Variants in MYO1H observed in about 807,000 individuals in gnomAD.
MYO1H encodes the protein myosin IH, also known as unconventional myosin-Ih.
A neutral mutation model predicts 149.3 loss-of-function variants in MYO1H; 118 were observed. The observed-to-expected ratio is 0.79, with a 90% CI of 0.68 to 0.92. MYO1H has a LOEUF of 0.92. MYO1H is among the 40% of genes least tolerant of loss of function. The pLI, the probability that MYO1H is intolerant of heterozygous loss-of-function variation, is 0.00. For synonymous variants in MYO1H, 447 were observed against 465.2 expected, an observed-to-expected ratio of 0.96 and a Z score of 0.50; for missense variants, 1,212 against 1,280.7, an observed-to-expected ratio of 0.95 and a Z score of 0.82.
chr12:109,346,488 C>T (rs891289008), upstream of MYO1H, among the ~76,000 whole-genome samples: 5 of 152,204 alleles, frequency 3.3e-5, no homozygotes, highest in African/African-American at 4.8e-5. Context: ...AGGCCAGGCG[C>T]GATGGCCCAC....
At chr12:109,386,118 A>T (rs577030710) in intron 1 of MYO1H, among the ~76,000 whole-genome samples, 1 of 151,668 alleles carries the variant, frequency 6.6e-6, no homozygotes, top group East Asian at 1.9e-4. Context: ...CTACAGTACG[A>T]CTCTTTTGTG....
At chr12:109,313,402 T>C in the MYO1H span, among the ~76,000 whole-genome samples, 1 of 152,170 alleles carries the variant, frequency 6.6e-6, no homozygotes, top group Non-Finnish European at 1.5e-5. Context: ...CAACAACAAC[T>C]TCAGAAGATG....
intron 22 of MYO1H, 87 bp downstream of exon 22, chr12:109,436,643 C>T (rs2135595429): frequency 1.1e-6 from 1 of 879,020 alleles, no homozygotes; most frequent in East Asian, 2.7e-5. Flanking sequence ...TCTCCCCCTG[C>T]TCATCCTTAA....
intron 1 of MYO1H, among the ~76,000 whole-genome samples, chr12:109,369,366 T>C (rs1365062637): frequency 3.3e-5 from 5 of 152,222 alleles, no homozygotes; most frequent in South Asian, 2.1e-4. Flanking sequence ...CTGCATCTTA[T>C]GTGATTTTGT....
At chr12:109,409,197 CCTT>C (rs1043327695) in intron 10 of MYO1H, among the ~76,000 whole-genome samples, 11 of 147,194 alleles carry the variant, frequency 7.5e-5, no homozygotes, top group African/African-American at 2.8e-4. Flanking sequence ...TTCTCCATCT[CCTT>C]CTCCTTCTTC....
At chr12:109,400,459 G>A (rs1472488524) in intron 5 of MYO1H, among the ~76,000 whole-genome samples, 1 of 151,992 alleles carries the variant, frequency 6.6e-6, no homozygotes, top group Non-Finnish European at 1.5e-5. Context: ...TTTGCTTCTT[G>A]GCCACTTAAA....
Position 109,436,546 on chromosome 12 carries a change from A to G in MYO1H, c.2199A>G (p.Lys733=), listed in dbSNP as rs112386649. 2.3e-5 allele frequency: 37 copies of G among 1,608,042 alleles called. 1 individual carries two copies. In the African/African-American group the frequency reaches 3.5e-4, roughly 15 times the overall value. ...TAGGAAGGAGAGAATACGTGAAAAAAAGACAAGCAGGTAAGAATTAAATAG... is the reference window on the plus strand; with the variant it reads ...TAGGAAGGAGAGAATACGTGAAAAAGAGACAAGCAGGTAAGAATTAAATAG... The change falls in exon 22 of 32, where the codon AAA becomes AAG. Residue 733 remains lysine, a synonymous_variant. Coordinates refer to ENST00000310903, the Ensembl canonical transcript of MYO1H.
Position 109,397,821 on chromosome 12 carries a change from A to G in MYO1H, c.570+9A>G, listed in dbSNP as rs753419455. The G allele has an allele frequency of 6.2e-7, 1 of 1,602,944 alleles. No individual in the cohort carries two copies. The highest frequency in any genetic ancestry group is 1.1e-5 in the South Asian group (1 of 89,438). ...TACAATTTGATTTTCAGGTACACTG[A>G]AGCTCCTATTACTGGTTCATGGGGA... On this transcript the variant is annotated intron_variant, in intron 5 of 31. Transcript: ENST00000310903.
chr12:109,423,540 CTT>C (rs1241827702), intron 16 of MYO1H, among the ~76,000 whole-genome samples: 5 of 152,224 alleles, frequency 3.3e-5, no homozygotes, highest in Admixed American at 6.5e-5. Context: ...CTCCTGAACT[CTT>C]TTCATCTTGC....
intron 16 of MYO1H, among the ~76,000 whole-genome samples, chr12:109,421,969 C>A (rs1871193362): frequency 6.6e-6 from 1 of 151,992 alleles, no homozygotes; most frequent in Admixed American, 6.6e-5. Context: ...ACTTCAGACA[C>A]ACACCACCAC....
exon 30 of MYO1H, chr12:109,444,521 T>C: frequency 6.2e-7 from 1 of 1,613,060 alleles, no homozygotes; most frequent in Non-Finnish European, 8.5e-7. Flanking sequence ...TCAATGTTGT[T>C]CAAGGAAGGT....
At chr12:109,335,675 A>G in the MYO1H span, among the ~76,000 whole-genome samples, 1 of 152,276 alleles carries the variant, frequency 6.6e-6, no homozygotes, top group Admixed American at 6.5e-5. Flanking sequence ...GGGATGATTG[A>G]CATTTTTTAT....
intron 24 of MYO1H, 133 bp downstream of exon 24, chr12:109,439,923 G>T: frequency 1.3e-6 from 1 of 781,100 alleles, no homozygotes. Flanking sequence ...TCCCAAGGAT[G>T]CTGCACAAGA....
intron 18 of MYO1H, among the ~76,000 whole-genome samples, chr12:109,427,091 G>A (rs1369238757): frequency 1.3e-5 from 2 of 152,098 alleles, no homozygotes; most frequent in Non-Finnish European, 2.9e-5. Context: ...CGAGGCGGGT[G>A]GATCACCTAA....
At chr12:109,345,938 T>C (rs2048101378), upstream of MYO1H, among the ~76,000 whole-genome samples, 1 of 152,300 alleles carries the variant, frequency 6.6e-6, no homozygotes, top group Middle Eastern at 3.4e-3. Flanking sequence ...TTCAAGGTGC[T>C]AGGGTGGGGA....
upstream of MYO1H, among the ~76,000 whole-genome samples, chr12:109,343,122 T>C (rs2048092054): frequency 6.6e-6 from 1 of 152,132 alleles, no homozygotes; most frequent in Non-Finnish European, 1.5e-5. Context: ...TTAGCTATCA[T>C]GATTTATTTC....
intron 6 of MYO1H, 110 bp from the exon 7 acceptor site, chr12:109,403,872 G>A (rs958264447): frequency 1.4e-5 from 9 of 624,690 alleles, no homozygotes; most frequent in South Asian, 9.6e-5. Flanking sequence ...TTTTTGATTC[G>A]CAATTCAGTA....
chr12:109,375,156 A>ATTT (rs71079553), intron 1 of MYO1H, among the ~76,000 whole-genome samples: 48 of 124,276 alleles, frequency 3.9e-4, no homozygotes, highest in Middle Eastern at 5.7e-3. Context: ...TGCCCGGCGG[A>ATTT]TTTTTTTTTT....
intron 13 of MYO1H, 107 bp from the exon 14 acceptor site, chr12:109,411,787 G>A (rs1478656356): frequency 1.1e-5 from 8 of 715,212 alleles, no homozygotes; most frequent in African/African-American, 1.8e-5. Flanking sequence ...TACATGAATT[G>A]ACAGTCTTTT....
Sources: gnomAD v4.1 joint callset for allele counts (sites outside exome capture counted in the v4.1 genomes callset) on GRCh38, gnomAD v4.1.1 for gene constraint, MANE v1.5 for transcripts, NCBI Gene and HGNC (gene_info 2026-07-23, HGNC 2026-07-21) for gene names.